Variants in OPRM1 observed in about 807,000 individuals in gnomAD.
OPRM1 encodes opioid receptor mu 1.
OPRM1 carries 27 observed loss-of-function variants against 31.8 expected under a neutral mutation model. The observed-to-expected ratio is 0.85, with a 90% CI of 0.63 to 1.17. The LOEUF (loss-of-function observed/expected upper bound fraction) is 1.17. OPRM1 is among the 50% of genes most tolerant of loss of function. The pLI is 0.00. For synonymous variants in OPRM1, 196 were observed against 189.9 expected, an observed-to-expected ratio of 1.03 and a Z score of -0.26; for missense variants, 536 against 511.1, an observed-to-expected ratio of 1.05 and a Z score of -0.47.
chr6:154,198,934 T>C (rs1390270665), intron 3 of OPRM1, among the ~76,000 whole-genome samples: 1 of 152,142 alleles, frequency 6.6e-6, no homozygotes, highest in African/African-American at 2.4e-5. Context: ...TAAGCGTGTT[T>C]TACAGCAGAA....
chr6:154,206,885 G>A (rs565520253), intron 3 of OPRM1, among the ~76,000 whole-genome samples: 1 of 152,320 alleles, frequency 6.6e-6, no homozygotes, highest in Admixed American at 6.5e-5. Context: ...GGGCAAAATT[G>A]GCAGCAAGAC....
At chr6:154,039,876 T>C (rs765877017) in intron 1 of OPRM1, 42 bp downstream of exon 1, 1 of 1,519,856 alleles carries the variant, frequency 6.6e-7, no homozygotes, top group South Asian at 1.2e-5. Context: ...GTTCAGCGGC[T>C]TAAGGGGGTA....
chr6:154,083,292 AAAG>A (rs995270608), intron 1 of OPRM1, among the ~76,000 whole-genome samples: 10 of 152,222 alleles, frequency 6.6e-5, no homozygotes, highest in Non-Finnish European at 1.0e-4. Context: ...CAAGAGAAAT[AAAG>A]AAGAAGGCAG....
At chr6:154,082,599 ATGATT>A (rs772555562) in intron 1 of OPRM1, among the ~76,000 whole-genome samples, 1 of 152,194 alleles carries the variant, frequency 6.6e-6, no homozygotes, top group African/African-American at 2.4e-5. Flanking sequence ...GGGCTATACT[ATGATT>A]TGAAGTCGCT....
At chr6:154,184,690 T>C (rs1801184936) in intron 3 of OPRM1, among the ~76,000 whole-genome samples, 1 of 152,032 alleles carries the variant, frequency 6.6e-6, no homozygotes, top group Admixed American at 6.5e-5. Context: ...TTTTTTCGAA[T>C]GAATGAATGG....
At chr6:154,193,567 A>G (rs1802121959) in intron 3 of OPRM1, among the ~76,000 whole-genome samples, 1 of 152,256 alleles carries the variant, frequency 6.6e-6, no homozygotes, top group Non-Finnish European at 1.5e-5. Flanking sequence ...CCTGCTAAGG[A>G]GTAAATAATA....
intron 1 of OPRM1, among the ~76,000 whole-genome samples, chr6:154,082,837 A>AG (rs1329130779): frequency 6.6e-6 from 1 of 152,214 alleles, no homozygotes; most frequent in African/African-American, 2.4e-5. Context: ...GTCCAAAAAA[A>AG]TAAATATTCT....
chr6:154,151,754 C>T (rs1798504823), intron 3 of OPRM1, among the ~76,000 whole-genome samples: 1 of 152,156 alleles, frequency 6.6e-6, no homozygotes, highest in African/African-American at 2.4e-5. Context: ...CCGAGGTATG[C>T]TCAGAAGAGA....
intron 3 of OPRM1, among the ~76,000 whole-genome samples, chr6:154,201,589 T>G (rs1399448053): frequency 6.6e-6 from 1 of 152,156 alleles, no homozygotes; most frequent in Non-Finnish European, 1.5e-5. Context: ...CCTGTCAACA[T>G]CAAGCATTCA....
intron 3 of OPRM1, among the ~76,000 whole-genome samples, chr6:154,115,312 G>A (rs1796746527): frequency 6.6e-6 from 1 of 152,224 alleles, no homozygotes. Flanking sequence ...GGCTGAGGTG[G>A]GTAGATCGCT....
At chr6:154,067,579 A>T (rs1467200305) in intron 1 of OPRM1, among the ~76,000 whole-genome samples, 1 of 151,984 alleles carries the variant, frequency 6.6e-6, no homozygotes, top group East Asian at 1.9e-4. Flanking sequence ...TCTAACATAT[A>T]GTCTGTCCTT....
chr6:154,093,283 C>T, intron 3 of OPRM1: 1 of 1,612,776 alleles, frequency 6.2e-7, no homozygotes, highest in Non-Finnish European at 8.5e-7. Context: ...CTACCTATAC[C>T]TTCCCTGTCT....
At chr6:154,210,172 T>C (rs923926275) in intron 3 of OPRM1, among the ~76,000 whole-genome samples, 3 of 152,232 alleles carry the variant, frequency 2.0e-5, no homozygotes, top group African/African-American at 7.2e-5. Flanking sequence ...CCCTCCATGA[T>C]ATGGCTACTC....
chr6:154,213,744 C>T (rs1778151446), intron 3 of OPRM1, among the ~76,000 whole-genome samples: 1 of 152,084 alleles, frequency 6.6e-6, no homozygotes, highest in Non-Finnish European at 1.5e-5. Context: ...TGAAAGCTAC[C>T]GACTGAGCTA....
chr6:154,091,006 T>C lies in OPRM1; in HGVS notation c.698T>C (p.Leu233Pro). Residue 233 changes from leucine (L) to proline (P), a missense_variant, in exon 3 of 4, where the codon CTG (leucine) becomes CCG (proline). Physicochemically the swap from Leu to Pro is moderately conservative, Grantham distance 98. Coordinates refer to ENST00000330432, the MANE Select transcript of OPRM1 (RefSeq NM_000914.5). Reference protein sequence around the residue: ...FSHPTWYWENLLKICVFIFAF... With the variant: ...FSHPTWYWENPLKICVFIFAF... ...CATCCAACCTGGTACTGGGAAAACCTGCTGAAGATCTGTGTTTTCATCTTC... is the reference window on the plus strand; with the variant it reads ...CATCCAACCTGGTACTGGGAAAACCCGCTGAAGATCTGTGTTTTCATCTTC... The C allele has an allele frequency of 6.2e-7, 1 of 1,614,180 alleles. No homozygotes were observed. The highest frequency in any genetic ancestry group is 8.5e-7 in the Non-Finnish European group (1 of 1,179,978).
chr6:154,107,933 A>G, intron 3 of OPRM1: 1 of 638,704 alleles, frequency 1.6e-6, no homozygotes, highest in Non-Finnish European at 2.8e-6. Context: ...AAAACTTTAC[A>G]GAGGAGATAA....
At chr6:154,236,754 C>T (rs1430744096) in intron 3 of OPRM1, among the ~76,000 whole-genome samples, 1 of 151,908 alleles carries the variant, frequency 6.6e-6, no homozygotes, top group African/African-American at 2.4e-5. Context: ...GAGGCGAGGC[C>T]CAGAGATGGT....
chr6:154,235,318 G>T (rs1200061983), intron 3 of OPRM1, among the ~76,000 whole-genome samples: 1 of 152,164 alleles, frequency 6.6e-6, no homozygotes, highest in Non-Finnish European at 1.5e-5. Flanking sequence ...ATCACCTGAG[G>T]TCAGGAGTTT....
In OPRM1 at chr6:154,020,718, G is replaced by A. The variant is rs1229888608; in HGVS notation, c.-1+9700G>A. ...CAGCATTTGGTGGTGGTCATGTTTT[G>A]CTTTTGAGCCATTCTAATATGTATT... is the stretch of plus-strand genomic sequence containing the variant. On this transcript the variant is annotated intron_variant, in intron 1 of 5. Transcript: ENST00000434900. Among the ~76,000 whole-genome samples, 4 of 152,118 alleles carry A rather than the reference G, an allele frequency of 2.6e-5. No homozygotes were observed. The East Asian group carries it at 7.7e-4, about 29-fold the overall frequency.
Sources: gnomAD v4.1 joint callset for allele counts (sites outside exome capture counted in the v4.1 genomes callset) on GRCh38, gnomAD v4.1.1 for gene constraint, MANE v1.5 for transcripts, NCBI Gene and HGNC (gene_info 2026-07-23, HGNC 2026-07-21) for gene names.